The following PRKCA variants were observed in gnomAD, a reference collection of about 807,000 sequenced individuals.
PRKCA encodes protein kinase C alpha type.
PRKCA carries 27 observed loss-of-function variants against 87.0 expected under a neutral mutation model. The ratio of observed to expected loss-of-function variants is 0.31; its 90% CI spans 0.23 to 0.43. The LOEUF (loss-of-function observed/expected upper bound fraction) is 0.43, where lower values mean the gene tolerates loss of function less well. Ranked by LOEUF, PRKCA falls within the 20% of genes least tolerant of loss-of-function variation. The pLI is 1.00. For missense variants in PRKCA, 518 were observed against 852.3 expected (o/e 0.61, Z 4.88); for synonymous variants, 329 against 311.1 (o/e 1.06, Z -0.61).
At chr17:66,411,782 G>A (rs1331932052) in intron 2 of PRKCA, among the ~76,000 whole-genome samples, 2 of 152,126 alleles carry the variant, frequency 1.3e-5, no homozygotes, top group Non-Finnish European at 2.9e-5. Flanking sequence ...TTTCACTTGA[G>A]AGTGGCCTTG....
chr17:66,451,502 T>C (rs1343458474), intron 2 of PRKCA, among the ~76,000 whole-genome samples: 1 of 152,196 alleles, frequency 6.6e-6, no homozygotes, highest in Non-Finnish European at 1.5e-5. Context: ...CAGAATGATA[T>C]GAGCATCTGT....
intron 2 of PRKCA, among the ~76,000 whole-genome samples, chr17:66,481,445 A>G (rs1915770928): frequency 1.3e-5 from 2 of 152,146 alleles, no homozygotes; most frequent in Admixed American, 6.5e-5. Flanking sequence ...TGCCCCAGTC[A>G]GCTCCTTCCT....
At chr17:66,316,065 A>G (rs530896826) in intron 2 of PRKCA, among the ~76,000 whole-genome samples, 49 of 152,348 alleles carry the variant, frequency 3.2e-4, no homozygotes, top group Middle Eastern at 3.4e-3. Context: ...GTAGGTTGCT[A>G]GAATTTCCTT....
intron 3 of PRKCA, among the ~76,000 whole-genome samples, chr17:66,560,902 G>C (rs1968660910): frequency 6.6e-6 from 1 of 152,204 alleles, no homozygotes; most frequent in African/African-American, 2.4e-5. Flanking sequence ...AAACCAGCCA[G>C]CCAGTGGTCC....
intron 2 of PRKCA, among the ~76,000 whole-genome samples, chr17:66,325,878 C>G (rs1255251179): frequency 6.6e-6 from 1 of 152,158 alleles, no homozygotes; most frequent in Non-Finnish European, 1.5e-5. Context: ...CCCTCTCCAC[C>G]TTTCCCCCTT....
intron 13 of PRKCA, among the ~76,000 whole-genome samples, chr17:66,770,949 C>T (rs1411689503): frequency 6.6e-6 from 1 of 150,978 alleles, no homozygotes; most frequent in Non-Finnish European, 1.5e-5. Context: ...GGAAAACGGG[C>T]ACTTGTTTAC....
chr17:66,604,303 T>G (rs192693973), intron 3 of PRKCA, among the ~76,000 whole-genome samples: 14 of 152,346 alleles, frequency 9.2e-5, no homozygotes, highest in Non-Finnish European at 4.4e-5. Flanking sequence ...AAACATTTTC[T>G]TAAACCTTTA....
Position 66,344,515 on chromosome 17 carries a change from C to G in PRKCA, c.205+38388C>G, listed in dbSNP as rs536076662. Among the ~76,000 whole-genome samples, 13 of 151,892 alleles carry G rather than the reference C, an allele frequency of 8.6e-5. No individual in the cohort carries two copies. In the South Asian group the frequency reaches 2.5e-3, roughly 29 times the overall value. ...ACCAAAAACAAAAAACAAACAACAA[C>G]AACAACAACAAAAAAACAGTTAGTT... On this transcript the variant is annotated intron_variant, in intron 2 of 16. Coordinates refer to ENST00000413366, the MANE Select transcript of PRKCA (RefSeq NM_002737.3).
intron 8 of PRKCA, among the ~76,000 whole-genome samples, chr17:66,707,495 G>A (rs960800252): frequency 6.6e-6 from 1 of 152,172 alleles, no homozygotes; most frequent in Non-Finnish European, 1.5e-5. Context: ...AGAGCCACGA[G>A]AACCTCCCTT....
rs1344211969 is a variant in PRKCA at position 66,595,749 on chromosome 17, G to A, written c.289-45606G>A. On this transcript the variant is annotated intron_variant, in intron 3 of 16. Coordinates refer to ENST00000413366, the MANE Select transcript of PRKCA (RefSeq NM_002737.3). ...TTATAGGCGTGAGCCACCACGCCCT[G>A]CCAAATTTATTTATTTTCAAATAAA... Among the ~76,000 whole-genome samples, 3 of 152,232 alleles carry A rather than the reference G, an allele frequency of 2.0e-5. No individual in the cohort carries two copies. The East Asian group carries it at 5.8e-4, about 29-fold the overall frequency.
intron 5 of PRKCA, among the ~76,000 whole-genome samples, chr17:66,684,604 C>T (rs1264960377): frequency 2.0e-5 from 3 of 152,230 alleles, no homozygotes; most frequent in Non-Finnish European, 4.4e-5. Context: ...CTCAGTAGGA[C>T]ACTCACAGCT....
chr17:66,630,365 A>G (rs1383384407), intron 3 of PRKCA, among the ~76,000 whole-genome samples: 2 of 152,196 alleles, frequency 1.3e-5, no homozygotes, highest in African/African-American at 4.8e-5. Flanking sequence ...ATTGCCCCCC[A>G]CTAATTGTTC....
Position 66,803,945 on chromosome 17 carries a change from C to T in PRKCA, c.1927C>T (p.Leu643=), listed in dbSNP as rs1417776413. The change falls in exon 17 of 17, where the codon CTG becomes TTG. Residue 643 remains leucine (L), a synonymous_variant. Coordinates refer to ENST00000413366, the MANE Select transcript of PRKCA (RefSeq NM_002737.3). The surrounding 1 kb of genome is among the most constrained non-coding windows in gnomAD (Gnocchi z 4.4). The part of the protein sequence containing the change: ...GQPVLTPPDQ[L]VIANIDQSDF... ...GCCCGTCTTAACACCACCTGATCAG[C>T]TGGTTATTGCTAACATAGACCAGTC... 1.2e-6 allele frequency: 2 copies of T among 1,614,078 alleles called. No individual in the cohort carries two copies. The highest frequency in any genetic ancestry group is 3.3e-4 in the Middle Eastern group (2 of 6,056).
chr17:66,765,516 A>G (rs1974794537), intron 13 of PRKCA, among the ~76,000 whole-genome samples: 1 of 140,124 alleles, frequency 7.1e-6, no homozygotes. Flanking sequence ...ATGTCTTTAT[A>G]TTTGTCTTTA....
At chr17:66,644,558 C>A (rs1971400705) in intron 4 of PRKCA, among the ~76,000 whole-genome samples, 1 of 152,160 alleles carries the variant, frequency 6.6e-6, no homozygotes, top group Admixed American at 6.5e-5. Context: ...CCCCCTGTCT[C>A]ACCCACATAA....
At chr17:66,729,905 T>C (rs28699383) in intron 8 of PRKCA, among the ~76,000 whole-genome samples, 99,618 of 151,530 alleles carry the variant, frequency 0.66, 32,856 homozygotes, top group East Asian at 0.71. Flanking sequence ...ATTCTCCTGC[T>C]TCAGCCTCCT....
intron 5 of PRKCA, among the ~76,000 whole-genome samples, chr17:66,652,934 A>G (rs530071124): frequency 6.6e-6 from 1 of 152,198 alleles, no homozygotes; most frequent in Non-Finnish European, 1.5e-5. Flanking sequence ...TTCTGCCTCA[A>G]CCCAACGCTG....
At chr17:66,794,394 G>A (rs1975613990) in intron 16 of PRKCA, among the ~76,000 whole-genome samples, 1 of 151,654 alleles carries the variant, frequency 6.6e-6, no homozygotes, top group Non-Finnish European at 1.5e-5. Flanking sequence ...ATTTCCCAGT[G>A]CCATTAGCTT....
intron 2 of PRKCA, among the ~76,000 whole-genome samples, chr17:66,491,810 G>A (rs565931596): frequency 6.6e-6 from 1 of 152,282 alleles, no homozygotes; most frequent in South Asian, 2.1e-4. Flanking sequence ...ATTTAGTTTG[G>A]AACTTGGACC....
Sources: allele counts gnomAD v4.1 joint callset (sites outside exome capture counted in the v4.1 genomes callset), GRCh38; gene constraint gnomAD v4.1.1; non-coding constraint Gnocchi (gnomAD v3.1); transcripts MANE v1.5; gene names NCBI Gene and HGNC (gene_info 2026-07-23, HGNC 2026-07-21).